URM1: variants seen among roughly 807,000 people sequenced by gnomAD.
The protein encoded by URM1 is ubiquitin related modifier 1, also known as ubiquitin-related modifier 1.
A neutral mutation model predicts 17.7 loss-of-function variants in URM1; 11 were observed. That is an observed-to-expected ratio of 0.62 (90% CI 0.39 to 1.03). The LOEUF (loss-of-function observed/expected upper bound fraction) is 1.03. URM1 is among the 50% of genes least tolerant of loss of function. The pLI is 0.00. For missense variants in URM1, 128 were observed against 129.2 expected, an observed-to-expected ratio of 0.99 and a Z score of 0.04; for synonymous variants, 48 against 50.6, an observed-to-expected ratio of 0.95 and a Z score of 0.22.
chr9:128,390,105 A>G lies in URM1; in HGVS notation c.*371A>G, dbSNP rs955108822. On this transcript the variant is annotated 3_prime_UTR_variant, in exon 5 of 5. Coordinates refer to ENST00000372853, the MANE Select transcript of URM1 (RefSeq NM_030914.4). ...CGCTGACAAGGCGCTCCAGCCCCAG[A>G]GCCAGCGTCTTCATGGGGAAGATGA... 6 of 281,820 alleles carry G rather than the reference A, an allele frequency of 2.1e-5. No individual in the cohort carries two copies. The highest frequency in any genetic ancestry group is 3.4e-5 in the Non-Finnish European group (5 of 149,114). The allele number at this position is 281,820 out of a possible 1,614,324, so 17.5% of individuals were successfully genotyped here.
At chr9:128,386,968 T>G (rs1833236802) in intron 2 of URM1, among the ~76,000 whole-genome samples, 1 of 152,232 alleles carries the variant, frequency 6.6e-6, no homozygotes, top group South Asian at 2.1e-4. Context: ...GGCGGACAGT[T>G]GAGGACCATA....
chr9:128,390,581 C>T lies in URM1; in HGVS notation c.*847C>T, dbSNP rs779676534. 6.6e-6 allele frequency: 1 copy of T among 152,364 alleles called. No individual in the cohort carries two copies. The highest frequency in any genetic ancestry group is 1.5e-5 in the Non-Finnish European group (1 of 68,096). The allele number at this position is 152,364 out of a possible 1,614,324, so 9.4% of individuals were successfully genotyped here. On this transcript the variant is annotated 3_prime_UTR_variant, in exon 5 of 5. Transcript: ENST00000372853. ...TTGATGGCGCGAATGTCCGTTTTCT[C>T]TCCCTTCCCACCTCCTGCAGGAAGC...
At chr9:128,379,287 C>G (rs147490616) in intron 2 of URM1, among the ~76,000 whole-genome samples, 1 of 151,922 alleles carries the variant, frequency 6.6e-6, no homozygotes, top group African/African-American at 2.4e-5. Flanking sequence ...CCTGACCATC[C>G]TGATCAACAT....
chr9:128,382,988 C>T (rs900755039), intron 2 of URM1, among the ~76,000 whole-genome samples: 2 of 152,168 alleles, frequency 1.3e-5, no homozygotes, highest in African/African-American at 4.8e-5. Flanking sequence ...CTGTCTTCCC[C>T]TGTCCTGCCT....
rs994285528 is a variant in URM1 at position 128,390,763 on chromosome 9, C to T, written c.*1029C>T. 1.3e-4 allele frequency: 20 copies of T among 152,502 alleles called. No individual in the cohort carries two copies. The highest frequency in any genetic ancestry group is 1.3e-4 in the Non-Finnish European group (9 of 68,092). The allele number at this position is 152,502 out of a possible 1,614,324, so 9.4% of individuals were successfully genotyped here. On this transcript the variant is annotated 3_prime_UTR_variant, in exon 5 of 5. Coordinates refer to ENST00000372853, the MANE Select transcript of URM1 (RefSeq NM_030914.4). ...TTGCTTGGAGCTTCATCCTTGGAAA[C>T]GGGTGGCACCTCATATCCCCCCAGC...
Position 128,389,939 on chromosome 9 carries a change from G to A in URM1, c.*205G>A, listed in dbSNP as rs962990930. The A allele has an allele frequency of 1.6e-4, 101 of 650,624 alleles. No individual in the cohort carries two copies. The East Asian group carries it at 2.4e-3, about 15-fold the overall frequency. 40.3% of individuals were successfully genotyped at this position (650,624 alleles called of 1,614,324 possible). On this transcript the variant is annotated 3_prime_UTR_variant, in exon 5 of 5. Transcript: ENST00000372853. ...CGTGAGCAGCGGAAGGCAGACAGGC[G>A]CCAGAGCCCAGCACTCCCTTTTCCA... is the stretch of plus-strand genomic sequence containing the variant.
chr9:128,387,928 G>A lies in URM1; in HGVS notation c.188+31G>A. On this transcript the variant is annotated intron_variant, in intron 3 of 4. Transcript: ENST00000372853. This position sits in a 1 kb window ranked among gnomAD's most constrained non-coding sequence, Gnocchi z 4.3. ...TCCCACTCCTCCCTTCCCTGAAGCA[G>A]GTGGAGGGAGGGACGGATATTTGAG... is the stretch of plus-strand genomic sequence containing the variant. 1 of 1,613,450 alleles carries A rather than the reference G, an allele frequency of 6.2e-7. No homozygotes were observed. The highest frequency in any genetic ancestry group is 8.5e-7 in the Non-Finnish European group (1 of 1,179,782).
intron 1 of URM1, among the ~76,000 whole-genome samples, chr9:128,373,527 G>A (rs1833039020): frequency 6.6e-6 from 1 of 152,132 alleles, no homozygotes; most frequent in African/African-American, 2.4e-5. Flanking sequence ...AGACCCTCTG[G>A]AAGGCCTCTA....
intron 2 of URM1, among the ~76,000 whole-genome samples, chr9:128,379,207 C>T (rs952993416): frequency 1.8e-4 from 27 of 152,000 alleles, no homozygotes; most frequent in African/African-American, 5.8e-4. Context: ...TCAGGCCGGA[C>T]GTGGTGGCTC....
chr9:128,390,773 C>T lies in URM1; in HGVS notation c.*1039C>T, dbSNP rs907395668. On this transcript the variant is annotated 3_prime_UTR_variant, in exon 5 of 5. Coordinates refer to ENST00000372853, the MANE Select transcript of URM1 (RefSeq NM_030914.4). ...CTTCATCCTTGGAAACGGGTGGCAC[C>T]TCATATCCCCCCAGCCGTGGTCTGT... 1 of 152,528 alleles carries T rather than the reference C, an allele frequency of 6.6e-6. No homozygotes were observed. The highest frequency in any genetic ancestry group is 1.5e-5 in the Non-Finnish European group (1 of 68,092). The allele number at this position is 152,528 out of a possible 1,614,324, so 9.4% of individuals were successfully genotyped here.
intron 2 of URM1, among the ~76,000 whole-genome samples, chr9:128,380,720 C>G (rs920642803): frequency 6.6e-6 from 1 of 151,810 alleles, no homozygotes; most frequent in Non-Finnish European, 1.5e-5. Flanking sequence ...GCTGCAACCC[C>G]CACCTCCTGG....
chr9:128,386,014 A>C (rs1273088125), intron 2 of URM1, among the ~76,000 whole-genome samples: 1 of 152,124 alleles, frequency 6.6e-6, no homozygotes, highest in Non-Finnish European at 1.5e-5. Flanking sequence ...GGATGACTCC[A>C]CCATGACCAC....
chr9:128,386,839 AC>A (rs1432783930), intron 2 of URM1, among the ~76,000 whole-genome samples: 1 of 152,140 alleles, frequency 6.6e-6, no homozygotes, highest in Non-Finnish European at 1.5e-5. Flanking sequence ...GGGGTGCTTA[AC>A]CCCAACCTGT....
intron 2 of URM1, 44 bp downstream of exon 2, chr9:128,378,150 A>G (rs765792850): frequency 2.8e-6 from 4 of 1,446,556 alleles, no homozygotes; most frequent in Non-Finnish European, 3.8e-6. Flanking sequence ...GCCATTGAAC[A>G]GGAGTTGGTC....
intron 2 of URM1, among the ~76,000 whole-genome samples, chr9:128,383,983 G>A (rs1187411023): frequency 6.6e-6 from 1 of 152,182 alleles, no homozygotes; most frequent in Non-Finnish European, 1.5e-5. Context: ...TGGGCTTACA[G>A]CTCAGAGCAG....
In URM1 at chr9:128,377,896, C is replaced by T. The variant is rs1833098083; in HGVS notation, c.36-140C>T. ...GGGGGAGAAAAAGAATTAGTCACTG[C>T]ACCCAAGGTGTTTCTGCACCTTAGT... is the stretch of plus-strand genomic sequence containing the variant. On this transcript the variant is annotated intron_variant, in intron 1 of 4. Coordinates refer to ENST00000372853, the MANE Select transcript of URM1 (RefSeq NM_030914.4). 1.1e-5 allele frequency: 8 copies of T among 760,820 alleles called. 1 individual carries two copies. The highest frequency in any genetic ancestry group is 4.6e-4 in the Middle Eastern group (2 of 4,388). The allele number at this position is 760,820 out of a possible 1,614,324, so 47.1% of individuals were successfully genotyped here.
chr9:128,388,199 T>A (rs1192933777), intron 3 of URM1: 24 of 1,213,942 alleles, frequency 2.0e-5, no homozygotes. Context: ...GGGCCTCAGT[T>A]ACTCTCTACA....
chr9:128,372,273 TGTGTGTGTGTGTGGAATAGGTAG>T (rs1439167557), intron 1 of URM1, among the ~76,000 whole-genome samples: 3 of 151,344 alleles, frequency 2.0e-5, no homozygotes, highest in African/African-American at 7.4e-5. Context: ...TAGGGATGTG[TGTGTGTGTGTGTGGAATAGGTAG>T]GTGTGTGTGT....
intron 4 of URM1, 142 bp from the exon 5 acceptor site, chr9:128,389,524 G>A (rs756256510): frequency 3.9e-6 from 6 of 1,547,442 alleles, no homozygotes; most frequent in Non-Finnish European, 1.8e-6. Flanking sequence ...AGATTTGCAG[G>A]TTGAGGTATA....
Sources: allele counts gnomAD v4.1 joint callset (sites outside exome capture counted in the v4.1 genomes callset), GRCh38; gene constraint gnomAD v4.1.1; non-coding constraint Gnocchi (gnomAD v3.1); transcripts MANE v1.5; gene names NCBI Gene and HGNC (gene_info 2026-07-23, HGNC 2026-07-21).